The following MOBP variants were observed in gnomAD, a reference collection of about 807,000 sequenced individuals.
MOBP encodes the protein myelin associated oligodendrocyte basic protein, also known as myelin-associated oligodendrocyte basic protein.
MOBP carries 5 observed loss-of-function variants against 15.0 expected under a neutral mutation model. The ratio of observed to expected loss-of-function variants is 0.33; its 90% CI spans 0.17 to 0.70. The LOEUF is 0.70. Among genes scored for constraint, MOBP ranks in the 30% least tolerant of loss-of-function variants. The pLI is 0.67. For synonymous variants in MOBP, 88 were observed against 99.0 expected (o/e 0.89, Z 0.66); for missense variants, 188 against 257.8 (o/e 0.73, Z 1.85).
chr3:39,520,022 G>T (rs1421166079), downstream of MOBP, among the ~76,000 whole-genome samples: 17 of 148,578 alleles, frequency 1.1e-4, no homozygotes, highest in Admixed American at 1.1e-3. Flanking sequence ...TAGATTTGTA[G>T]CAGAGCTACT....
At chr3:39,494,782 G>GCCCCCCCCCCCCC (rs142834446) in intron 2 of MOBP, among the ~76,000 whole-genome samples, 7 of 85,946 alleles carry the variant, frequency 8.1e-5, no homozygotes, top group Non-Finnish European at 1.4e-4. Flanking sequence ...TATTTTCAAA[G>GCCCCCCCCCCCCC]CCCCCCCCCG....
downstream of MOBP, among the ~76,000 whole-genome samples, chr3:39,506,112 A>C (rs1338409105): frequency 6.6e-6 from 1 of 152,046 alleles, no homozygotes; most frequent in Non-Finnish European, 1.5e-5. Flanking sequence ...TTGCTGTACA[A>C]CTTAGCAACC....
At chr3:39,483,398 C>G (rs992580581) in intron 2 of MOBP, among the ~76,000 whole-genome samples, 5 of 152,270 alleles carry the variant, frequency 3.3e-5, no homozygotes, top group Non-Finnish European at 7.4e-5. Flanking sequence ...ATAGGGTGGT[C>G]AGCAATCTAG....
chr3:39,513,549 C>T, exon 5 of MOBP: 1 of 960,062 alleles, frequency 1.0e-6, no homozygotes, highest in South Asian at 1.6e-5. Flanking sequence ...GCTGATGTGG[C>T]AACTGCTGAT....
At chr3:39,510,015 G>C (rs2043099463) in intron 4 of MOBP, among the ~76,000 whole-genome samples, 2 of 151,920 alleles carry the variant, frequency 1.3e-5, no homozygotes, top group African/African-American at 4.8e-5. Flanking sequence ...ATGAATTGAG[G>C]TTCAATTTTT....
At chr3:39,492,182 C>A (rs2042805852) in intron 2 of MOBP, among the ~76,000 whole-genome samples, 1 of 152,132 alleles carries the variant, frequency 6.6e-6, no homozygotes, top group South Asian at 2.1e-4. Flanking sequence ...GAGTCAGGAG[C>A]CTGATGACCA....
intron 2 of MOBP, among the ~76,000 whole-genome samples, chr3:39,490,873 A>G (rs1455854461): frequency 6.6e-6 from 1 of 152,054 alleles, no homozygotes; most frequent in Non-Finnish European, 1.5e-5. Context: ...TCTTCCTTAC[A>G]GTTTTTTCTA....
At chr3:39,485,917 A>G (rs1220878189) in intron 2 of MOBP, among the ~76,000 whole-genome samples, 1 of 149,388 alleles carries the variant, frequency 6.7e-6, no homozygotes, top group African/African-American at 2.5e-5. Context: ...CTCTTTTTCT[A>G]TTATTTCCCT....
At chr3:39,522,752 G>A (rs634338) in intron 3 of MOBP, among the ~76,000 whole-genome samples, 47,659 of 152,080 alleles carry the variant, frequency 0.31, 9,829 homozygotes, top group African/African-American at 0.59. Flanking sequence ...AAAAGGTTCC[G>A]TATACTGTAA....
At chr3:39,492,743 A>G (rs760006382) in intron 2 of MOBP, among the ~76,000 whole-genome samples, 58 of 152,144 alleles carry the variant, frequency 3.8e-4, no homozygotes, top group African/African-American at 1.4e-3. Flanking sequence ...TGGAGTTTTG[A>G]TATCTGAAGC....
In MOBP at chr3:39,502,664, G is replaced by A. The variant is rs985467127; in HGVS notation, c.336G>A (p.Arg112=). ...RSERQPRSPP[R]SERQPRSPPR... The stretch of plus-strand genomic sequence containing the variant: ...AGCGTCAGCCACGGTCCCCTCCGAG[G>A]TCTGAGCGTCAGCCACGGTCCCCTC... Residue 112 remains arginine, a synonymous_variant, in exon 4 of 4, where the codon AGG becomes AGA. Transcript: ENST00000684792. This position sits in a 1 kb window ranked among gnomAD's most constrained non-coding sequence, Gnocchi z 6.3. The A allele has an allele frequency of 6.6e-7, 1 of 1,510,958 alleles. No homozygotes were observed. The highest frequency in any genetic ancestry group is 8.8e-7 in the Non-Finnish European group (1 of 1,137,076). The allele number at this position is 1,510,958 out of a possible 1,614,324, so 93.6% of individuals were successfully genotyped here.
chr3:39,476,353 T>G (rs956791744), intron 1 of MOBP, among the ~76,000 whole-genome samples: 1 of 152,170 alleles, frequency 6.6e-6, no homozygotes, highest in African/African-American at 2.4e-5. Context: ...GCTATTGGGG[T>G]GTTACTTCTT....
intron 2 of MOBP, 75 bp from the exon 3 acceptor site, chr3:39,501,991 C>A: frequency 7.9e-7 from 1 of 1,261,170 alleles, no homozygotes; most frequent in Non-Finnish European, 1.1e-6. Context: ...TAGCAGGGGG[C>A]TTCCAGAGTA....
chr3:39,528,094 A>T (rs537285514), downstream of MOBP: 1 of 152,378 alleles, frequency 6.6e-6, no homozygotes, highest in African/African-American at 2.4e-5. Flanking sequence ...AGTTGCTCAA[A>T]AGTTGAAAAA....
chr3:39,479,858 G>A (rs940387516), intron 1 of MOBP, among the ~76,000 whole-genome samples, 182 bp from the exon 2 acceptor site: 1 of 150,116 alleles, frequency 6.7e-6, no homozygotes, highest in Non-Finnish European at 1.5e-5. Flanking sequence ...AAGTTTACAC[G>A]TGATTTTGTG....
chr3:39,492,965 G>A (rs544522351), intron 2 of MOBP, among the ~76,000 whole-genome samples: 6 of 152,132 alleles, frequency 3.9e-5, no homozygotes, highest in South Asian at 4.2e-4. Flanking sequence ...CTCTATACCC[G>A]TTTGCATGTC....
intron 4 of MOBP, among the ~76,000 whole-genome samples, chr3:39,508,572 C>T (rs1282166485): frequency 1.6e-4 from 22 of 134,384 alleles, no homozygotes; most frequent in Non-Finnish European, 3.1e-4. Context: ...TTTTTTGAGA[C>T]GGAGTCTCAC....
intron 2 of MOBP, among the ~76,000 whole-genome samples, chr3:39,486,115 C>T (rs1007811625): frequency 6.6e-6 from 1 of 152,122 alleles, no homozygotes; most frequent in African/African-American, 2.4e-5. Flanking sequence ...TGCTTTCCTC[C>T]TGTTCAAGTT....
chr3:39,497,647 C>T (rs111583764), intron 2 of MOBP, among the ~76,000 whole-genome samples: 2,687 of 152,302 alleles, frequency 0.018, 78 homozygotes, highest in African/African-American at 0.061. Context: ...AATAATGCCA[C>T]ATTAAAAAAT....
Sources: allele counts gnomAD v4.1 joint callset (sites outside exome capture counted in the v4.1 genomes callset), GRCh38; gene constraint gnomAD v4.1.1; non-coding constraint Gnocchi (gnomAD v3.1); transcripts MANE v1.5; gene names NCBI Gene and HGNC (gene_info 2026-07-23, HGNC 2026-07-21).